The following CRISPLD2 variants were observed in gnomAD, a reference collection of about 807,000 sequenced individuals.
The protein encoded by CRISPLD2 is cysteine-rich secretory protein LCCL domain-containing 2.
In CRISPLD2, 47 loss-of-function variants were observed where a neutral mutation model predicts 71.1. The observed-to-expected ratio is 0.66, with a 90% confidence interval of 0.52 to 0.84. The LOEUF is 0.84. CRISPLD2 is among the 40% of genes least tolerant of loss of function. CRISPLD2 has a pLI of 0.00. For missense variants in CRISPLD2, 830 were observed against 651.1 expected (o/e 1.27, Z -2.99); for synonymous variants, 317 against 250.1 (o/e 1.27, Z -2.52).
At chr16:84,858,210 T>C (rs2143242605) in intron 6 of CRISPLD2, among the ~76,000 whole-genome samples, 1 of 152,318 alleles carries the variant, frequency 6.6e-6, no homozygotes, top group East Asian at 1.9e-4. Context: ...CTGGGTCGTA[T>C]GGCCCAAGTG....
chr16:84,828,169 C>T (rs1916401991), intron 1 of CRISPLD2: 1 of 152,244 alleles, frequency 6.6e-6, no homozygotes, highest in South Asian at 2.1e-4. Context: ...GTCAGTGAAT[C>T]ACGCTTCTCA....
At chr16:84,852,214 T>C (rs79593965) in intron 5 of CRISPLD2, among the ~76,000 whole-genome samples, 2,468 of 152,342 alleles carry the variant, frequency 0.016, 19 homozygotes, top group Middle Eastern at 0.02. Context: ...TGTCTCCAAG[T>C]ACAGTCACAT....
chr16:84,854,727 A>C lies in CRISPLD2; in HGVS notation c.609-2A>C. The C allele has an allele frequency of 6.2e-7, 1 of 1,613,454 alleles. No individual in the cohort carries two copies. Among genetic ancestry groups the C allele is most frequent in the Non-Finnish European group, 8.5e-7 (1 of 1,179,408 alleles). ...GACGGTTGTTTTTGGGTCTGTCCTC[A>C]GGGGGAACTGGATTGGAGAAGCCCC... On this transcript the variant is annotated splice_acceptor_variant, in intron 5 of 14. Coordinates refer to ENST00000262424, the MANE Select transcript of CRISPLD2 (RefSeq NM_031476.4). LOFTEE classifies it high-confidence loss of function.
chr16:84,877,460 G>C lies in CRISPLD2; in HGVS notation c.1179G>C (p.Thr393=). Residue 393 remains threonine (T), a synonymous_variant, in exon 12 of 15, where the codon ACG becomes ACC. Transcript: ENST00000262424. The part of the protein sequence containing the change: ...KVKVQDLDCY[T]TVAQLCPFEK... ...CAGTGCAGGATTTGGACTGCTACAC[G>C]ACCGTTGCTCAGCTGTGCCCGTTTG... 1 of 1,613,884 alleles carries C rather than the reference G, an allele frequency of 6.2e-7. No homozygotes were observed. Among genetic ancestry groups the C allele is most frequent in the Non-Finnish European group, 8.5e-7 (1 of 1,179,866 alleles).
intron 14 of CRISPLD2, among the ~76,000 whole-genome samples, chr16:84,901,096 T>G (rs957111913): frequency 2.0e-5 from 3 of 150,660 alleles, no homozygotes; most frequent in African/African-American, 7.3e-5. Flanking sequence ...AGGGATCCAG[T>G]TAAATATAAC....
At chr16:84,867,389 C>T (rs1432732307) in intron 7 of CRISPLD2, among the ~76,000 whole-genome samples, 2 of 152,192 alleles carry the variant, frequency 1.3e-5, no homozygotes, top group East Asian at 1.9e-4. Flanking sequence ...AGCGTCCAGC[C>T]TGGCTCTGGA....
At chr16:84,871,862 T>TC (rs2071472187) in intron 8 of CRISPLD2, among the ~76,000 whole-genome samples, 1 of 132,802 alleles carries the variant, frequency 7.5e-6, no homozygotes, top group Non-Finnish European at 1.6e-5. Context: ...TTGTTTTTTT[T>TC]CAAATGAGAA....
intron 1 of CRISPLD2, among the ~76,000 whole-genome samples, chr16:84,836,698 C>T (rs1916629291): frequency 6.6e-6 from 1 of 152,158 alleles, no homozygotes; most frequent in Non-Finnish European, 1.5e-5. Context: ...GCCTCTATCC[C>T]CTCCAGGCCT....
intron 3 of CRISPLD2, among the ~76,000 whole-genome samples, chr16:84,848,875 A>G (rs1036883188): frequency 6.6e-6 from 1 of 150,850 alleles, no homozygotes; most frequent in Non-Finnish European, 1.5e-5. Context: ...AGGACTCATT[A>G]CTTGGGAGGC....
intron 13 of CRISPLD2, among the ~76,000 whole-genome samples, chr16:84,882,949 A>T (rs1393638813): frequency 6.6e-6 from 1 of 152,276 alleles, no homozygotes; most frequent in East Asian, 1.9e-4. Context: ...AGCTACACTG[A>T]TATGAACAGG....
chr16:84,899,326 T>C (rs2071733076), intron 14 of CRISPLD2, among the ~76,000 whole-genome samples: 1 of 152,082 alleles, frequency 6.6e-6, no homozygotes, highest in Admixed American at 6.6e-5. Flanking sequence ...CCTTCAGGCA[T>C]GTATGGGAGT....
chr16:84,899,448 C>T (rs2071734393), intron 14 of CRISPLD2, among the ~76,000 whole-genome samples: 1 of 152,176 alleles, frequency 6.6e-6, no homozygotes, highest in Non-Finnish European at 1.5e-5. Flanking sequence ...CGTACAACTA[C>T]CAACTTCCCC....
At chr16:84,854,589 C>T in intron 5 of CRISPLD2, 140 bp from the exon 6 acceptor site, 1 of 675,328 alleles carries the variant, frequency 1.5e-6, no homozygotes, top group Non-Finnish European at 2.7e-6. Flanking sequence ...GCCATCTTTC[C>T]CGCTTCCCAC....
At chr16:84,863,975 A>G (rs1193998952) in intron 6 of CRISPLD2, among the ~76,000 whole-genome samples, 1 of 141,466 alleles carries the variant, frequency 7.1e-6, no homozygotes, top group Non-Finnish European at 1.5e-5. Context: ...AAAAAAAAAA[A>G]GAAAGAAAGA....
At chr16:84,856,476 C>T (rs1917244264) in intron 6 of CRISPLD2, among the ~76,000 whole-genome samples, 2 of 152,260 alleles carry the variant, frequency 1.3e-5, no homozygotes, top group Admixed American at 1.3e-4. Flanking sequence ...CAGCGTTCCT[C>T]CCTCTGGAAC....
chr16:84,850,786 C>A, intron 5 of CRISPLD2, 103 bp downstream of exon 5: 1 of 819,072 alleles, frequency 1.2e-6, no homozygotes, highest in Non-Finnish European at 2.1e-6. Flanking sequence ...TCTTTAATAT[C>A]TCACATAACA....
At chr16:84,842,906 C>T (rs1340516984) in intron 2 of CRISPLD2, among the ~76,000 whole-genome samples, 1 of 152,126 alleles carries the variant, frequency 6.6e-6, no homozygotes, top group Non-Finnish European at 1.5e-5. Context: ...GAGCTGCGAC[C>T]CCCAGGATCC....
chr16:84,873,140 G>A lies in CRISPLD2; in HGVS notation c.1112+18G>A, dbSNP rs749513904. ...TCCCTCAGGTAACTACTCTGTGATC[G>A]GGGCTCTGTGAAACGGTTTTCCTGT... On this transcript the variant is annotated intron_variant, in intron 10 of 14. Coordinates refer to ENST00000262424, the MANE Select transcript of CRISPLD2 (RefSeq NM_031476.4). 10 of 1,603,554 alleles carry A rather than the reference G, an allele frequency of 6.2e-6. No homozygotes were observed. Among genetic ancestry groups the A allele is most frequent in the African/African-American group, 4.0e-5 (3 of 74,226 alleles).
intron 5 of CRISPLD2, among the ~76,000 whole-genome samples, chr16:84,853,263 A>AC (rs1456246996): frequency 1.3e-5 from 2 of 151,916 alleles, no homozygotes; most frequent in South Asian, 4.2e-4. Context: ...CATCTGAGAA[A>AC]CCTACTGGGC....
Sources: allele counts gnomAD v4.1 joint callset (sites outside exome capture counted in the v4.1 genomes callset), GRCh38; gene constraint gnomAD v4.1.1; transcripts MANE v1.5; gene names NCBI Gene and HGNC (gene_info 2026-07-23, HGNC 2026-07-21).